Variants in NTRK3 observed in about 807,000 individuals in gnomAD.
The protein encoded by NTRK3 is NT-3 growth factor receptor.
A neutral mutation model predicts 91.7 loss-of-function variants in NTRK3; 24 were observed. The observed-to-expected ratio is 0.26, with a 90% CI of 0.19 to 0.37. NTRK3 has a LOEUF of 0.37. NTRK3 is among the 10% of genes least tolerant of loss of function. NTRK3 has a pLI of 1.00. For missense variants in NTRK3, 880 were observed against 1,068.9 expected, an observed-to-expected ratio of 0.82 and a Z score of 2.46; for synonymous variants, 483 against 404.0, an observed-to-expected ratio of 1.20 and a Z score of -2.34.
At chr15:88,008,259 G>A (rs1347327617) in intron 14 of NTRK3, among the ~76,000 whole-genome samples, 1 of 152,158 alleles carries the variant, frequency 6.6e-6, no homozygotes, top group East Asian at 1.9e-4. Context: ...AATTTAAGGT[G>A]AAAAAGGAAA....
intron 13 of NTRK3, among the ~76,000 whole-genome samples, chr15:88,037,789 T>C (rs1447531064): frequency 6.6e-6 from 1 of 152,226 alleles, no homozygotes; most frequent in African/African-American, 2.4e-5. Flanking sequence ...ATTTTTATTA[T>C]TGAATACTTC....
At chr15:88,192,482 A>C (rs1401452668) in intron 3 of NTRK3, among the ~76,000 whole-genome samples, 1 of 152,136 alleles carries the variant, frequency 6.6e-6, no homozygotes, top group East Asian at 1.9e-4. Flanking sequence ...CCGGAGAACA[A>C]GCATCCCCTC....
intron 5 of NTRK3, among the ~76,000 whole-genome samples, chr15:88,159,059 G>C (rs774994375): frequency 1.2e-4 from 19 of 152,232 alleles, no homozygotes; most frequent in Non-Finnish European, 1.2e-4. Context: ...GCACTGTCAG[G>C]GCTGGAGAAG....
intron 13 of NTRK3, among the ~76,000 whole-genome samples, chr15:88,057,047 T>C (rs1469003234): frequency 2.0e-5 from 3 of 150,484 alleles, no homozygotes; most frequent in African/African-American, 7.4e-5. Flanking sequence ...CGCGCGCCTG[T>C]AGTCCCAGCT....
rs565863806 is a variant in NTRK3 at position 88,211,217 on chromosome 15, G to A, written c.249-26918C>T. Among the ~76,000 whole-genome samples, 20 of 152,198 alleles carry A rather than the reference G, an allele frequency of 1.3e-4. No homozygotes were observed. The South Asian group carries it at 2.1e-3, about 16-fold the overall frequency. On this transcript the variant is annotated intron_variant, in intron 3 of 18. Coordinates refer to ENST00000394480, the Ensembl canonical transcript of NTRK3. ...CTTTCCCCAGTCCCTGGCAACTATG[G>A]ATTTATCAATTCTGGACATTTGATA...
At chr15:88,136,178 G>T in intron 8 of NTRK3, 138 bp from the exon 9 acceptor site, 1 of 1,132,952 alleles carries the variant, frequency 8.8e-7, no homozygotes, top group Non-Finnish European at 1.3e-6. Flanking sequence ...AAGCACACTG[G>T]CCAAATGCCA....
At chr15:87,892,078 T>C (rs8038959) in intron 17 of NTRK3, among the ~76,000 whole-genome samples, 100,148 of 149,246 alleles carry the variant, frequency 0.67, 34,052 homozygotes, top group Non-Finnish European at 0.74. Context: ...GTTGCCCCCA[T>C]CCCCAACACA....
chr15:87,880,708 G>A (rs1035912859), intron 17 of NTRK3, among the ~76,000 whole-genome samples: 4 of 152,134 alleles, frequency 2.6e-5, no homozygotes, highest in African/African-American at 2.4e-5. Flanking sequence ...TGAGAGAGAA[G>A]GTTTCAGAAT....
chr15:88,120,876 G>C (rs1338438796), intron 13 of NTRK3, among the ~76,000 whole-genome samples: 1 of 152,214 alleles, frequency 6.6e-6, no homozygotes, highest in Non-Finnish European at 1.5e-5. Flanking sequence ...GCACATCACT[G>C]CATCTCTCTG....
chr15:88,202,479 CAG>C (rs2048387912), intron 3 of NTRK3, among the ~76,000 whole-genome samples: 1 of 152,224 alleles, frequency 6.6e-6, no homozygotes, highest in Non-Finnish European at 1.5e-5. Context: ...AAAAGTGAGT[CAG>C]TGTTTCTGAA....
intron 13 of NTRK3, among the ~76,000 whole-genome samples, chr15:88,102,881 T>C (rs1292192716): frequency 6.6e-6 from 1 of 152,180 alleles, no homozygotes. Flanking sequence ...CACAAAGGTA[T>C]AACCACCCTC....
chr15:88,002,824 C>T (rs904868981), intron 14 of NTRK3, among the ~76,000 whole-genome samples: 5 of 151,910 alleles, frequency 3.3e-5, no homozygotes, highest in Admixed American at 6.6e-5. Context: ...ATCACAACTA[C>T]GGCCTATTGA....
intron 14 of NTRK3, among the ~76,000 whole-genome samples, chr15:87,954,780 G>T (rs2071496548): frequency 1.3e-5 from 2 of 152,176 alleles, no homozygotes. Context: ...TGTCTACACT[G>T]TTTTCATCTA....
intron 10 of NTRK3, among the ~76,000 whole-genome samples, chr15:88,130,979 A>C (rs1482551201): frequency 1.3e-5 from 2 of 152,218 alleles, no homozygotes; most frequent in Admixed American, 6.5e-5. Flanking sequence ...GGGTGGAAGG[A>C]AGTGCCTTGT....
chr15:88,005,155 C>G (rs928476306), intron 14 of NTRK3, among the ~76,000 whole-genome samples: 3 of 152,150 alleles, frequency 2.0e-5, no homozygotes, highest in African/African-American at 7.2e-5. Context: ...CCTCATTAGG[C>G]ACTCACACTG....
chr15:88,112,536 C>CCACTGCCA, intron 13 of NTRK3, among the ~76,000 whole-genome samples: 1 of 151,942 alleles, frequency 6.6e-6, no homozygotes, highest in Middle Eastern at 3.4e-3. Flanking sequence ...CCTGCCACTG[C>CCACTGCCA]CAGTCTCTCT....
At chr15:87,918,161 G>A (rs553963271) in intron 17 of NTRK3, among the ~76,000 whole-genome samples, 2 of 152,208 alleles carry the variant, frequency 1.3e-5, no homozygotes, top group South Asian at 2.1e-4. Flanking sequence ...TGTGGCACAG[G>A]ATCTCACTGC....
At chr15:88,118,600 C>G (rs761934774) in intron 13 of NTRK3, among the ~76,000 whole-genome samples, 1 of 152,090 alleles carries the variant, frequency 6.6e-6, no homozygotes, top group Non-Finnish European at 1.5e-5. Context: ...TTTTTAAAAG[C>G]CAAAAATCAG....
chr15:87,985,314 A>G (rs2074660805), intron 14 of NTRK3, among the ~76,000 whole-genome samples: 1 of 152,200 alleles, frequency 6.6e-6, no homozygotes, highest in African/African-American at 2.4e-5. Flanking sequence ...TGACATGTAT[A>G]AGGCACACGA....
Sources: allele counts gnomAD v4.1 joint callset (sites outside exome capture counted in the v4.1 genomes callset), GRCh38; gene constraint gnomAD v4.1.1; transcripts MANE v1.5; gene names NCBI Gene and HGNC (gene_info 2026-07-23, HGNC 2026-07-21).